The following TXNRD1 variants were observed in gnomAD, a reference collection of about 807,000 sequenced individuals.
TXNRD1 encodes the protein thioredoxin reductase 1, also known as thioredoxin reductase 1, cytoplasmic.
A neutral mutation model predicts 80.3 loss-of-function variants in TXNRD1; 57 were observed. The ratio of observed to expected loss-of-function variants is 0.71; its 90% confidence interval spans 0.57 to 0.89. The LOEUF is 0.89. Among genes scored for constraint, TXNRD1 ranks in the 40% least tolerant of loss-of-function variants. The pLI, the probability that TXNRD1 is intolerant of heterozygous loss-of-function variation, is 0.00. For synonymous variants in TXNRD1, 291 were observed against 285.2 expected (o/e 1.02, Z -0.20); for missense variants, 730 against 803.0 (o/e 0.91, Z 1.10).
At chr12:104,268,370 C>T (rs950610368) in intron 3 of TXNRD1, among the ~76,000 whole-genome samples, 21 of 149,986 alleles carry the variant, frequency 1.4e-4, no homozygotes, top group African/African-American at 5.1e-4. Context: ...AAAAAACCCA[C>T]CCATATTAGC....
intron 3 of TXNRD1, among the ~76,000 whole-genome samples, chr12:104,282,520 C>T (rs1271271382): frequency 6.6e-6 from 1 of 152,202 alleles, no homozygotes; most frequent in African/African-American, 2.4e-5. Context: ...CCTCATAGCA[C>T]TGTGGGCTCT....
chr12:104,289,302 C>T (rs1279348584), intron 4 of TXNRD1: 1 of 347,932 alleles, frequency 2.9e-6, no homozygotes, highest in African/African-American at 2.1e-5. Flanking sequence ...CCTTTTTCTC[C>T]TATTTCCCCT....
At chr12:104,298,216 A>G (rs2034498577) in intron 4 of TXNRD1, among the ~76,000 whole-genome samples, 1 of 152,368 alleles carries the variant, frequency 6.6e-6, no homozygotes, top group Non-Finnish European at 1.5e-5. Context: ...AAAAATGCAC[A>G]TAAATAATTT....
intron 13 of TXNRD1, among the ~76,000 whole-genome samples, chr12:104,330,625 C>A (rs2035916880): frequency 6.6e-6 from 1 of 152,136 alleles, no homozygotes; most frequent in East Asian, 1.9e-4. Flanking sequence ...TCACTCTTGT[C>A]CCCCAGGCTG....
chr12:104,325,234 G>T, intron 10 of TXNRD1, 103 bp from the exon 11 acceptor site: 1 of 845,018 alleles, frequency 1.2e-6, no homozygotes, highest in South Asian at 1.5e-5. Context: ...TTTCAAGCAC[G>T]ATTTTATATT....
intron 2 of TXNRD1, 142 bp downstream of exon 2, chr12:104,251,820 C>T: frequency 2.3e-6 from 2 of 851,468 alleles, no homozygotes; most frequent in South Asian, 1.7e-5. Flanking sequence ...AATCCCAGCA[C>T]TTTGGGAGGC....
chr12:104,232,263 T>C (rs572725707), intron 1 of TXNRD1, among the ~76,000 whole-genome samples: 106 of 152,252 alleles, frequency 7.0e-4, no homozygotes, highest in Admixed American at 1.7e-3. Flanking sequence ...TCCTGGCCTA[T>C]TAGAAAGTGA....
At chr12:104,232,207 G>A (rs535979030) in intron 1 of TXNRD1, among the ~76,000 whole-genome samples, 2 of 152,318 alleles carry the variant, frequency 1.3e-5, no homozygotes, top group African/African-American at 2.4e-5. Flanking sequence ...ATATCTGTAA[G>A]TTGGGTGATC....
At chr12:104,313,534 C>T (rs763323128) in intron 6 of TXNRD1, among the ~76,000 whole-genome samples, 1 of 152,136 alleles carries the variant, frequency 6.6e-6, no homozygotes, top group African/African-American at 2.4e-5. Flanking sequence ...GAAGTAAGAA[C>T]CCTGTCTACA....
chr12:104,302,705 G>A (rs1014236432), intron 4 of TXNRD1, among the ~76,000 whole-genome samples: 1 of 151,844 alleles, frequency 6.6e-6, no homozygotes, highest in Non-Finnish European at 1.5e-5. Context: ...TAGCCAAGAT[G>A]GTCTCGATCT....
At chr12:104,305,360 TAA>T (rs11368015) in intron 4 of TXNRD1, among the ~76,000 whole-genome samples, 3 of 150,966 alleles carry the variant, frequency 2.0e-5, no homozygotes, top group East Asian at 2.0e-4. Flanking sequence ...AAACAAAAGT[TAA>T]AAAAAAAAAC....
intron 1 of TXNRD1, among the ~76,000 whole-genome samples, chr12:104,229,827 G>A (rs980650838): frequency 2.0e-5 from 3 of 151,466 alleles, no homozygotes; most frequent in African/African-American, 7.3e-5. Flanking sequence ...TCCTGACCTC[G>A]TGATCCACCT....
intron 1 of TXNRD1, among the ~76,000 whole-genome samples, chr12:104,218,559 A>G (rs538310532): frequency 5.3e-5 from 8 of 152,170 alleles, no homozygotes; most frequent in African/African-American, 1.7e-4. Context: ...AAATTTAGGC[A>G]TATTTTAAGC....
chr12:104,337,160 A>C (rs548051520), intron 15 of TXNRD1, among the ~76,000 whole-genome samples: 1 of 152,000 alleles, frequency 6.6e-6, no homozygotes, highest in African/African-American at 2.4e-5. Flanking sequence ...ACATTATTAC[A>C]TGGAAATCTA....
At chr12:104,265,563 C>T (rs1593724997) in intron 3 of TXNRD1, 2 of 1,608,398 alleles carry the variant, frequency 1.2e-6, no homozygotes, top group Non-Finnish European at 1.7e-6. Flanking sequence ...TGCGCTATGA[C>T]TCCCGGAGCG....
chr12:104,300,336 G>C (rs1182509016), intron 4 of TXNRD1, among the ~76,000 whole-genome samples: 1 of 152,206 alleles, frequency 6.6e-6, no homozygotes, highest in Non-Finnish European at 1.5e-5. Flanking sequence ...AGGGGAAAGA[G>C]GGGAGCTAAA....
At chr12:104,278,031 C>T (rs2033793110) in intron 3 of TXNRD1, among the ~76,000 whole-genome samples, 1 of 151,606 alleles carries the variant, frequency 6.6e-6, no homozygotes, top group African/African-American at 2.4e-5. Flanking sequence ...CGCCTACAAC[C>T]ACGCCCGGCT....
chr12:104,303,672 G>A, intron 4 of TXNRD1: 2 of 479,488 alleles, frequency 4.2e-6, no homozygotes, highest in South Asian at 6.4e-5. Context: ...GGGCCGGGCC[G>A]GGGCGGGGCT....
intron 16 of TXNRD1, among the ~76,000 whole-genome samples, chr12:104,341,476 G>A (rs1399621417): frequency 6.6e-6 from 1 of 152,180 alleles, no homozygotes; most frequent in Admixed American, 6.5e-5. Flanking sequence ...TCTGCCTGAC[G>A]GGTCCTAGGA....
Sources: gnomAD v4.1 joint callset for allele counts (sites outside exome capture counted in the v4.1 genomes callset) on GRCh38, gnomAD v4.1.1 for gene constraint, MANE v1.5 for transcripts, NCBI Gene and HGNC (gene_info 2026-07-23, HGNC 2026-07-21) for gene names.